Variants in NELFA observed in about 807,000 individuals in gnomAD.
NELFA encodes negative elongation factor complex member A, also known as negative elongation factor A.
Under a neutral mutation model 51.8 loss-of-function variants are expected in NELFA, and 35 were observed. The ratio of observed to expected loss-of-function variants is 0.68; its 90% CI spans 0.52 to 0.90. NELFA has a LOEUF of 0.90. Ranked by LOEUF, NELFA falls within the 40% of genes least tolerant of loss-of-function variation. The probability of loss-of-function intolerance (pLI) is 0.00; values close to 1 mark genes in which losing one functional copy is unlikely to be tolerated. For synonymous variants in NELFA, 417 were observed against 338.4 expected (o/e 1.23, Z -2.55); for missense variants, 658 against 746.4 (o/e 0.88, Z 1.38).
chr4:1,987,807 G>T (rs1728151997), intron 4 of NELFA, 111 bp downstream of exon 4: 3 of 918,148 alleles, frequency 3.3e-6, no homozygotes, highest in African/African-American at 3.4e-5. Context: ...CAACACTGCT[G>T]CCTGAAGACC....
Position 1,991,669 on chromosome 4 carries a change from G to C in NELFA, c.257C>G (p.Ser86Trp), listed in dbSNP as rs754692749. The C allele has an allele frequency of 6.2e-7, 1 of 1,612,782 alleles. No homozygotes were observed. The highest frequency in any genetic ancestry group is 8.5e-7 in the Non-Finnish European group (1 of 1,179,662). ...GGCGACCATGAGCACCCAGGGGTCC[G>C]AGTCGAGGCTGGCGAGCTGGATGAT... ...MEIIQLASLD[S>W]DPWVLMVADI... The change falls in exon 2 of 11, where the codon TCG (serine) becomes TGG (tryptophan). Residue 86 changes from serine (S) to tryptophan (W), a missense_variant. Coordinates refer to ENST00000382882, the MANE Select transcript of NELFA (RefSeq NM_005663.5).
At chr4:2,000,912 C>T (rs1008562558) in intron 1 of NELFA, among the ~76,000 whole-genome samples, 3 of 152,164 alleles carry the variant, frequency 2.0e-5, no homozygotes, top group East Asian at 1.9e-4. Context: ...ACTGGCAAAC[C>T]GAATCCAGCA....
chr4:2,001,896 C>G (rs1356667393), intron 1 of NELFA, among the ~76,000 whole-genome samples: 1 of 143,780 alleles, frequency 7.0e-6, no homozygotes, highest in Non-Finnish European at 1.5e-5. Flanking sequence ...GAGCGAGACT[C>G]TGTCTCAAAA....
At chr4:1,986,647 A>T in intron 4 of NELFA, 1 of 506,280 alleles carries the variant, frequency 2.0e-6, no homozygotes. Flanking sequence ...CAGCCACAGG[A>T]TCTCACCAGG....
intron 2 of NELFA, among the ~76,000 whole-genome samples, chr4:1,990,936 G>A (rs1466616075): frequency 2.0e-5 from 3 of 152,216 alleles, no homozygotes; most frequent in Non-Finnish European, 4.4e-5. Context: ...AAGTACCTGG[G>A]AGGACAGGCA....
At chr4:2,001,307 CA>C (rs1210530373) in intron 1 of NELFA, among the ~76,000 whole-genome samples, 3 of 152,104 alleles carry the variant, frequency 2.0e-5, no homozygotes, top group African/African-American at 7.2e-5. Context: ...GGCAATTAGG[CA>C]AGAGAAAGAA....
intron 7 of NELFA, 21 bp downstream of exon 7, chr4:1,985,755 G>T: frequency 6.2e-7 from 1 of 1,607,580 alleles, no homozygotes; most frequent in Admixed American, 1.7e-5. Context: ...GCCAGACATG[G>T]GGTGCAGCCC....
rs750555174 is a variant in NELFA, at chr4:2,008,967, G to A, written c.-8C>T. ...CTCCCGCATGGACGCCATCTTGGGG[G>A]AAAGCGCGCGCCGCTGCCCCGGCAT... On this transcript the variant is annotated 5_prime_UTR_variant, in exon 1 of 11. Coordinates refer to ENST00000382882, the MANE Select transcript of NELFA (RefSeq NM_005663.5). 1.7e-5 allele frequency: 27 copies of A among 1,552,744 alleles called. No homozygotes were observed. The highest frequency in any genetic ancestry group is 2.3e-5 in the Non-Finnish European group (26 of 1,147,834).
Position 1,983,228 on chromosome 4 carries a change from G to A in NELFA, c.*91C>T. On this transcript the variant is annotated 3_prime_UTR_variant, in exon 11 of 11. Coordinates refer to ENST00000382882, the MANE Select transcript of NELFA (RefSeq NM_005663.5). ...GGGCGGCGGCCGGGGGACCTCGGGG[G>A]CCAGGTGTCCGCCATCCGGTTACTT... 1 of 1,375,308 alleles carries A rather than the reference G, an allele frequency of 7.3e-7. No individual in the cohort carries two copies. Among genetic ancestry groups the A allele is most frequent in the South Asian group, 1.4e-5 (1 of 71,060 alleles). The allele number at this position is 1,375,308 out of a possible 1,614,324, so 85.2% of individuals were successfully genotyped here. A position where few individuals can be genotyped will look rare whatever the true frequency, so the allele number is the denominator to read the frequency against.
chr4:1,983,801 C>A, intron 9 of NELFA, 47 bp downstream of exon 9: 1 of 1,579,586 alleles, frequency 6.3e-7, no homozygotes, highest in South Asian at 1.2e-5. Context: ...TGGCCAGGGC[C>A]GTACCACCTA....
chr4:2,008,718 C>T, intron 1 of NELFA, 32 bp downstream of exon 1: 1 of 1,577,608 alleles, frequency 6.3e-7, no homozygotes, highest in Non-Finnish European at 8.6e-7. Context: ...GGTTGGGAAT[C>T]TGGGGGCCGC....
rs376216955 is a variant in NELFA at position 1,985,660 on chromosome 4, G to A, written c.924+116C>T. On this transcript the variant is annotated intron_variant, in intron 7 of 10. Transcript: ENST00000382882. ...ACGTATATATACATAAATACAGACT[G>A]CACACATATGTACATACATATATAT... The A allele has an allele frequency of 5.0e-5, 37 of 744,390 alleles. No individual in the cohort carries two copies. In the East Asian group the frequency reaches 6.2e-4, roughly 12 times the overall value. The allele number at this position is 744,390 out of a possible 1,614,324, so 46.1% of individuals were successfully genotyped here. A position where few individuals can be genotyped will look rare whatever the true frequency, so the allele number is the denominator to read the frequency against.
intron 1 of NELFA, among the ~76,000 whole-genome samples, chr4:2,004,991 T>G (rs879213164): frequency 1.3e-5 from 2 of 150,026 alleles, no homozygotes; most frequent in East Asian, 3.9e-4. Flanking sequence ...TATTTTTTCT[T>G]TAGAGACGGG....
At chr4:1,997,748 C>T (rs775244862) in intron 1 of NELFA, among the ~76,000 whole-genome samples, 20 of 152,112 alleles carry the variant, frequency 1.3e-4, no homozygotes, top group Non-Finnish European at 2.5e-4. Flanking sequence ...AGTGGTTTCC[C>T]CCCACTGAAG....
intron 1 of NELFA, among the ~76,000 whole-genome samples, chr4:1,999,948 A>G (rs1484283007): frequency 1.3e-5 from 2 of 152,250 alleles, no homozygotes; most frequent in Non-Finnish European, 2.9e-5. Flanking sequence ...AGTGCAAATT[A>G]GAACTCAAGA....
chr4:1,995,271 G>A (rs1299206386), intron 1 of NELFA, among the ~76,000 whole-genome samples: 1 of 152,158 alleles, frequency 6.6e-6, no homozygotes, highest in Admixed American at 6.5e-5. Flanking sequence ...GGCTCTCCTG[G>A]TGTGTGTGCA....
At chr4:1,988,341 G>A (rs1034207187) in intron 3 of NELFA, among the ~76,000 whole-genome samples, 2 of 152,248 alleles carry the variant, frequency 1.3e-5, no homozygotes, top group Admixed American at 6.5e-5. Flanking sequence ...TGGTAGCACC[G>A]TCCTCGCTGA....
intron 4 of NELFA, chr4:1,986,626 GCACCC>G: frequency 1.7e-6 from 1 of 575,542 alleles, no homozygotes; most frequent in South Asian, 2.0e-5. Flanking sequence ...AAAGACAGCG[GCACCC>G]CAGCCCAGCC....
rs753191059 is a variant in NELFA, at chr4:1,987,972, C to T, written c.580G>A (p.Gly194Arg). The change falls in exon 4 of 11, where the codon GGG (glycine) becomes AGG (arginine). Residue 194 changes from glycine to arginine, a missense_variant. Gly to Arg is a moderately radical substitution (Grantham distance 125). This residue lies in a region of NELFA where 371 missense variants were observed against 448.3 expected (regional missense o/e 0.83). Coordinates refer to ENST00000382882, the MANE Select transcript of NELFA (RefSeq NM_005663.5). ...ETAQQLKRSA[G>R]VPFHAKGRGL... ...CGGCCCTTGGCGTGGAAGGGCACCC[C>T]GGCGCTCCGCTTCAACTGCTGGGCG... 14 of 1,611,268 alleles carry T rather than the reference C, an allele frequency of 8.7e-6. No homozygotes were observed. The highest frequency in any genetic ancestry group is 1.1e-5 in the South Asian group (1 of 90,488).
Sources: allele counts gnomAD v4.1 joint callset (sites outside exome capture counted in the v4.1 genomes callset), GRCh38; gene constraint gnomAD v4.1.1; regional missense constraint gnomAD v4.1.1; transcripts MANE v1.5; gene names NCBI Gene and HGNC (gene_info 2026-07-23, HGNC 2026-07-21).